Variants in CFAP70 observed in about 807,000 individuals in gnomAD.
CFAP70 encodes the protein cilia and flagella associated protein 70.
In CFAP70, 81 loss-of-function variants were observed where a neutral mutation model predicts 137.6. The observed-to-expected ratio is 0.59, with a 90% CI of 0.49 to 0.71. The LOEUF is 0.71. Among genes scored for constraint, CFAP70 ranks in the 30% least tolerant of loss-of-function variants. The pLI is 0.00. For missense variants in CFAP70, 976 were observed against 1,226.7 expected, an observed-to-expected ratio of 0.80 and a Z score of 3.05; for synonymous variants, 382 against 423.6, an observed-to-expected ratio of 0.90 and a Z score of 1.20.
chr10:73,256,731 G>A (rs565708402), intron 25 of CFAP70, among the ~76,000 whole-genome samples: 2 of 151,688 alleles, frequency 1.3e-5, no homozygotes, highest in East Asian at 1.9e-4. Context: ...GTGAAACCCC[G>A]TCTCTAATAA....
intron 12 of CFAP70, among the ~76,000 whole-genome samples, chr10:73,301,442 G>T (rs747372827): frequency 8.5e-5 from 13 of 152,142 alleles, no homozygotes; most frequent in South Asian, 2.1e-4. Context: ...TGGTAATAAA[G>T]AAATTAAGTA....
upstream of CFAP70, among the ~76,000 whole-genome samples, chr10:73,362,397 T>C (rs77467405): frequency 0.048 from 7,235 of 152,290 alleles, 520 homozygotes; most frequent in African/African-American, 0.16. Context: ...AACATTTTAA[T>C]AATGTTAATT....
At chr10:73,269,552 C>T (rs2046067678) in intron 25 of CFAP70, 62 bp downstream of exon 26, 1 of 1,187,634 alleles carries the variant, frequency 8.4e-7, no homozygotes, top group Non-Finnish European at 1.2e-6. Context: ...CTGCCCCTTG[C>T]TTACTTGACC....
At chr10:73,316,143 G>C (rs10824003) in intron 9 of CFAP70, among the ~76,000 whole-genome samples, 1 of 151,778 alleles carries the variant, frequency 6.6e-6, no homozygotes, top group African/African-American at 2.4e-5. Context: ...TAGTTACTCA[G>C]CTATTACATT....
intron 6 of CFAP70, among the ~76,000 whole-genome samples, chr10:73,338,230 C>T (rs960648602): frequency 4.6e-5 from 7 of 150,828 alleles, no homozygotes; most frequent in South Asian, 2.1e-4. Context: ...CTGCAGCCTC[C>T]GCCTCCGTGT....
At chr10:73,268,540 A>G (rs1392288113) in intron 25 of CFAP70, among the ~76,000 whole-genome samples, 4 of 152,098 alleles carry the variant, frequency 2.6e-5, no homozygotes, top group Admixed American at 6.6e-5. Flanking sequence ...TGACTTATCA[A>G]TTTCTAAGAG....
At chr10:73,334,584 C>CTTT (rs58264194) in intron 7 of CFAP70, among the ~76,000 whole-genome samples, 1 of 142,314 alleles carries the variant, frequency 7.0e-6, no homozygotes, top group Non-Finnish European at 1.5e-5. Flanking sequence ...ATTCTGGACT[C>CTTT]TTTTTTTTTT....
chr10:73,353,057 T>C (rs2054399584), intron 3 of CFAP70, among the ~76,000 whole-genome samples: 1 of 152,224 alleles, frequency 6.6e-6, no homozygotes, highest in Non-Finnish European at 1.5e-5. Context: ...GGCCAATTGC[T>C]ATCATAAAAA....
At chr10:73,358,449 G>A (rs183172081) in intron 1 of CFAP70, among the ~76,000 whole-genome samples, 3 of 152,236 alleles carry the variant, frequency 2.0e-5, no homozygotes, top group African/African-American at 7.2e-5. Flanking sequence ...GGGGACAAGC[G>A]CAGTCAGCGC....
chr10:73,262,667 A>G (rs1214283701), intron 25 of CFAP70, among the ~76,000 whole-genome samples: 3 of 152,180 alleles, frequency 2.0e-5, no homozygotes, highest in Non-Finnish European at 4.4e-5. Flanking sequence ...AAAATTTTTA[A>G]TAATTATTTT....
At position 73,345,937 on chromosome 10, in the gene CFAP70, T is replaced by C. The variant is rs542692179; in HGVS notation, c.350-823A>G. ...TTTTTTGAGACAGAGTCTCCCTCTG[T>C]CACCCAGGCTGGTGTGTAGTGGCAT... On this transcript the variant is annotated intron_variant, in intron 4 of 26. Coordinates refer to ENST00000310715, the Ensembl canonical transcript of CFAP70. Among the ~76,000 whole-genome samples, 5 of 151,928 alleles carry C rather than the reference T, an allele frequency of 3.3e-5. No individual in the cohort carries two copies. In the East Asian group the frequency reaches 9.8e-4, roughly 30 times the overall value.
chr10:73,338,805 CCA>C (rs1383170845), intron 6 of CFAP70, among the ~76,000 whole-genome samples: 1 of 151,884 alleles, frequency 6.6e-6, no homozygotes, highest in Non-Finnish European at 1.5e-5. Context: ...ATATGGAGGG[CCA>C]ATTTGTCCTA....
exon 6 of CFAP70, chr10:73,341,540 A>G: frequency 6.2e-7 from 1 of 1,614,176 alleles, no homozygotes; most frequent in Non-Finnish European, 8.5e-7. Flanking sequence ...TTTCCCCTCC[A>G]AGCTTCAGAG....
rs1288377986 is a variant in CFAP70 at position 73,312,704 on chromosome 10, AC to A, written c.913-62del. On this transcript the variant is annotated intron_variant, in intron 9 of 26. Coordinates refer to ENST00000310715, the Ensembl canonical transcript of CFAP70. ...CATGAGACAAACTTGAAAGAAATAC[AC>A]ATTATTTTTTTTTACCATTTAGTCT... is the stretch of plus-strand genomic sequence containing the variant. 3 of 1,392,522 alleles carry A rather than the reference AC, an allele frequency of 2.2e-6. No homozygotes were observed. In the East Asian group the frequency reaches 7.3e-5, roughly 34 times the overall value. The allele number at this position is 1,392,522 out of a possible 1,614,324, so 86.3% of individuals were successfully genotyped here.
chr10:73,315,651 C>A (rs967729364), intron 9 of CFAP70, among the ~76,000 whole-genome samples: 8 of 152,140 alleles, frequency 5.3e-5, no homozygotes, highest in African/African-American at 1.9e-4. Flanking sequence ...GCCTTGATTG[C>A]CTGCTGGGCT....
chr10:73,275,318 G>C lies in CFAP70; in HGVS notation c.2673+128C>G. 2 of 1,100,474 alleles carry C rather than the reference G, an allele frequency of 1.8e-6. No individual in the cohort carries two copies. Among genetic ancestry groups the C allele is most frequent in the East Asian group, 2.6e-5 (1 of 39,196 alleles). 68.2% of individuals were successfully genotyped at this position (1,100,474 alleles called of 1,614,324 possible). The stretch of plus-strand genomic sequence containing the variant: ...TAAGAAAAGCAAATGGAAGGGTATA[G>C]AGAGATGAGTTTACTGACAGCTGAT... On this transcript the variant is annotated intron_variant, in intron 22 of 26. Coordinates refer to ENST00000310715, the Ensembl canonical transcript of CFAP70. This position sits in a 1 kb window ranked among gnomAD's most constrained non-coding sequence, Gnocchi z 4.0.
intron 19 of CFAP70, among the ~76,000 whole-genome samples, chr10:73,279,321 A>G (rs2047064796): frequency 6.6e-6 from 1 of 151,682 alleles, no homozygotes; most frequent in African/African-American, 2.4e-5. Flanking sequence ...TCAGGAGATC[A>G]AGACCATTCT....
intron 25 of CFAP70, among the ~76,000 whole-genome samples, chr10:73,263,154 T>A (rs2045430414): frequency 6.6e-6 from 1 of 152,050 alleles, no homozygotes; most frequent in Admixed American, 6.6e-5. Flanking sequence ...CAGACTGGAG[T>A]GTAGTGGTGT....
intron 19 of CFAP70, among the ~76,000 whole-genome samples, chr10:73,279,948 T>TA (rs1166383297): frequency 1.3e-5 from 2 of 152,134 alleles, no homozygotes; most frequent in Non-Finnish European, 2.9e-5. Context: ...AGAAAAAACT[T>TA]ACCAGTTTTC....
Sources: gnomAD v4.1 joint callset for allele counts (sites outside exome capture counted in the v4.1 genomes callset) on GRCh38, gnomAD v4.1.1 for gene constraint, Gnocchi (gnomAD v3.1) non-coding constraint, MANE v1.5 for transcripts, NCBI Gene and HGNC (gene_info 2026-07-23, HGNC 2026-07-21) for gene names.